The following RMST variants were observed in gnomAD, a reference collection of about 807,000 sequenced individuals.
The protein encoded by RMST is long intergenic non-protein coding RNA 54.
chr12:97,522,317 A>T (rs548670483), intron 10 of RMST, among the ~76,000 whole-genome samples: 1 of 152,354 alleles, frequency 6.6e-6, no homozygotes, highest in South Asian at 2.1e-4. Flanking sequence ...TCCTAATAGT[A>T]AATAACTGGG....
At chr12:97,510,081 A>G (rs1879119423) in intron 10 of RMST, among the ~76,000 whole-genome samples, 1 of 152,192 alleles carries the variant, frequency 6.6e-6, no homozygotes, top group South Asian at 2.1e-4. Flanking sequence ...ATACATGTAC[A>G]CTCATTTATA....
chr12:97,470,105 A>G (rs1873722250), intron 5 of RMST, among the ~76,000 whole-genome samples: 1 of 152,070 alleles, frequency 6.6e-6, no homozygotes, highest in African/African-American at 2.4e-5. Flanking sequence ...CAAACCTTCA[A>G]TGTCTGGGTC....
intron 5 of RMST, among the ~76,000 whole-genome samples, chr12:97,487,878 T>C (rs1876292502): frequency 1.3e-5 from 2 of 152,240 alleles, no homozygotes; most frequent in South Asian, 4.1e-4. Flanking sequence ...GTCATTTGTG[T>C]CTTTCCTTGT....
chr12:97,472,022 A>T (rs1873977654), intron 5 of RMST, among the ~76,000 whole-genome samples: 1 of 152,076 alleles, frequency 6.6e-6, no homozygotes, highest in Admixed American at 6.6e-5. Context: ...TGGTCAAAAG[A>T]TTTTTTTAAA....
At chr12:97,504,896 T>C (rs1174804285) in intron 10 of RMST, among the ~76,000 whole-genome samples, 1 of 152,050 alleles carries the variant, frequency 6.6e-6, no homozygotes, top group Non-Finnish European at 1.5e-5. Context: ...AAATGACTCT[T>C]GGACTTTCTC....
At chr12:97,525,410 T>G (rs1196711970) in intron 10 of RMST, among the ~76,000 whole-genome samples, 1 of 151,768 alleles carries the variant, frequency 6.6e-6, no homozygotes, top group Non-Finnish European at 1.5e-5. Flanking sequence ...AAGGGAAGAG[T>G]TTTTATAAAT....
intron 11 of RMST, among the ~76,000 whole-genome samples, chr12:97,545,771 T>C (rs905680274): frequency 1.3e-5 from 2 of 152,106 alleles, no homozygotes; most frequent in African/African-American, 4.8e-5. Flanking sequence ...ATCCTAGGGA[T>C]GAGCAAGTTC....
chr12:97,496,331 G>A (rs1448730780), intron 10 of RMST, among the ~76,000 whole-genome samples: 1 of 152,002 alleles, frequency 6.6e-6, no homozygotes, highest in East Asian at 1.9e-4. Context: ...GAATGTAGTA[G>A]AAGAATTAGA....
At chr12:97,487,552 G>A (rs1412777546) in intron 5 of RMST, among the ~76,000 whole-genome samples, 1 of 152,176 alleles carries the variant, frequency 6.6e-6, no homozygotes, top group Non-Finnish European at 1.5e-5. Context: ...AGCAGCTGGG[G>A]TGGAGAGAGT....
intron 10 of RMST, among the ~76,000 whole-genome samples, chr12:97,510,107 G>A (rs980314616): frequency 3.9e-5 from 6 of 152,162 alleles, no homozygotes; most frequent in African/African-American, 9.7e-5. Flanking sequence ...AGATTTATAA[G>A]AGAGGAAGCA....
intron 10 of RMST, among the ~76,000 whole-genome samples, chr12:97,503,668 T>C (rs1319467556): frequency 3.3e-5 from 5 of 152,170 alleles, no homozygotes; most frequent in Admixed American, 3.3e-4. Context: ...CCACCCAAAC[T>C]TGGAGTCATT....
intron 10 of RMST, among the ~76,000 whole-genome samples, chr12:97,517,426 G>A (rs926647162): frequency 6.6e-6 from 1 of 151,758 alleles, no homozygotes; most frequent in African/African-American, 2.4e-5. Context: ...AAATCAAAAG[G>A]GGAAAGCCCT....
At position 97,482,111 on chromosome 12, in the gene RMST, C is replaced by G. The variant is rs987095554; in HGVS notation, n.645-10350C>G. 2.6e-5 allele frequency among the ~76,000 whole-genome samples: 4 copies of G among 152,164 alleles called. No homozygotes were observed. In the East Asian group the frequency reaches 7.7e-4, roughly 29 times the overall value. ...TGCCTTAAGGAATCCCTTTGGAAACCAAAGTTTCCAAAAAGCACACATCAA... is the reference window on the plus strand; with the variant it reads ...TGCCTTAAGGAATCCCTTTGGAAACGAAAGTTTCCAAAAAGCACACATCAA... On this transcript the variant is annotated intron_variant and non_coding_transcript_variant, in intron 5 of 13. Transcript: ENST00000640149.
intron 5 of RMST, among the ~76,000 whole-genome samples, chr12:97,488,767 G>A (rs1354883467): frequency 1.3e-5 from 2 of 152,150 alleles, no homozygotes; most frequent in African/African-American, 4.8e-5. Flanking sequence ...CGTTTTCTTT[G>A]TATAGCACTT....
rs182617710 is a variant in RMST at position 97,548,416 on chromosome 12, G to A, written n.1546-12121G>A. 4.7e-3 allele frequency among the ~76,000 whole-genome samples: 716 copies of A among 151,900 alleles called. 6 individuals are homozygous for A. Among genetic ancestry groups the A allele is most frequent in the African/African-American group, 0.017 (690 of 41,460 alleles). ...CATACAAATTTTAGGATTTTTTTCT[G>A]TTTCTGTAAAAATGCCATTGGAATT... is the stretch of plus-strand genomic sequence containing the variant. On this transcript the variant is annotated intron_variant and non_coding_transcript_variant, in intron 11 of 13. Coordinates refer to ENST00000640149, the Ensembl canonical transcript of RMST.
At chr12:97,534,886 T>C (rs571023619) in intron 11 of RMST, among the ~76,000 whole-genome samples, 1 of 151,816 alleles carries the variant, frequency 6.6e-6, no homozygotes, top group South Asian at 2.1e-4. Context: ...ATGGTGTTGT[T>C]TTATTTGTTG....
intron 10 of RMST, among the ~76,000 whole-genome samples, chr12:97,511,789 A>G (rs1308178314): frequency 6.6e-6 from 1 of 152,200 alleles, no homozygotes; most frequent in Non-Finnish European, 1.5e-5. Flanking sequence ...GGGTATGAAA[A>G]TGGCAAAATG....
At chr12:97,480,931 C>A (rs918912891) in intron 5 of RMST, among the ~76,000 whole-genome samples, 1 of 152,126 alleles carries the variant, frequency 6.6e-6, no homozygotes, top group Non-Finnish European at 1.5e-5. Context: ...ATCAATACCC[C>A]GTACATAATC....
intron 10 of RMST, among the ~76,000 whole-genome samples, chr12:97,500,592 T>C (rs1283364014): frequency 6.6e-6 from 1 of 152,196 alleles, no homozygotes; most frequent in Non-Finnish European, 1.5e-5. Flanking sequence ...CACTTAACAG[T>C]TGAAGAAACT....
Sources: gnomAD v4.1 joint callset for allele counts (sites outside exome capture counted in the v4.1 genomes callset) on GRCh38, gnomAD v4.1.1 for gene constraint, MANE v1.5 for transcripts, NCBI Gene and HGNC (gene_info 2026-07-23, HGNC 2026-07-21) for gene names.